WDR7: variants seen among roughly 807,000 people sequenced by gnomAD.
WDR7 encodes WD repeat domain 7.
In WDR7, 46 loss-of-function variants were observed where a neutral mutation model predicts 169.4. The ratio of observed to expected loss-of-function variants is 0.27; its 90% CI spans 0.21 to 0.35. The LOEUF (loss-of-function observed/expected upper bound fraction) is 0.35, where lower values mean the gene tolerates loss of function less well. Among genes scored for constraint, WDR7 ranks in the 10% least tolerant of loss-of-function variants. The probability of loss-of-function intolerance (pLI) is 1.00; values close to 1 mark genes in which losing one functional copy is unlikely to be tolerated. For synonymous variants in WDR7, 612 were observed against 666.8 expected, an observed-to-expected ratio of 0.92 and a Z score of 1.27; for missense variants, 1,534 against 1,859.3, an observed-to-expected ratio of 0.83 and a Z score of 3.22.
At chr18:56,758,633 T>G (rs941644907) in intron 15 of WDR7, among the ~76,000 whole-genome samples, 1 of 151,990 alleles carries the variant, frequency 6.6e-6, no homozygotes, top group Non-Finnish European at 1.5e-5. Flanking sequence ...TAAACTAATA[T>G]GAAGCACAAA....
intron 21 of WDR7, among the ~76,000 whole-genome samples, chr18:56,892,376 TTAAAG>T (rs781115255): frequency 6.6e-6 from 1 of 152,126 alleles, no homozygotes; most frequent in Non-Finnish European, 1.5e-5. Context: ...CTGAGCATCT[TTAAAG>T]TATTTTTCTG....
chr18:56,811,715 A>G (rs2044872787), intron 19 of WDR7, among the ~76,000 whole-genome samples: 1 of 152,048 alleles, frequency 6.6e-6, no homozygotes, highest in African/African-American at 2.4e-5. Context: ...CAGTTGTTCT[A>G]GCCCTGTTTT....
intron 3 of WDR7, among the ~76,000 whole-genome samples, chr18:56,680,757 T>G (rs2025336813): frequency 6.6e-6 from 1 of 152,220 alleles, no homozygotes; most frequent in Non-Finnish European, 1.5e-5. Context: ...ATCTGGTATT[T>G]TATTTGCAAA....
intron 13 of WDR7, among the ~76,000 whole-genome samples, chr18:56,729,881 C>G (rs1015973753): frequency 1.3e-5 from 2 of 152,146 alleles, no homozygotes; most frequent in South Asian, 4.1e-4. Context: ...TGCTGAATAT[C>G]TGTACGGTAA....
chr18:56,841,562 A>G lies in WDR7; in HGVS notation c.3304+25418A>G, dbSNP rs547831181. ...CTCTGTCTAAAAAAAAAAAAAAAAGATACAACAATGGGGATGTTTTGTCAT... is the reference window on the plus strand; with the variant it reads ...CTCTGTCTAAAAAAAAAAAAAAAAGGTACAACAATGGGGATGTTTTGTCAT... On this transcript the variant is annotated intron_variant, in intron 20 of 27. Transcript: ENST00000254442. 1.1e-4 allele frequency among the ~76,000 whole-genome samples: 16 copies of G among 151,558 alleles called. No homozygotes were observed. The East Asian group carries it at 2.9e-3, about 28-fold the overall frequency.
chr18:56,672,104 A>G (rs1016186007), intron 1 of WDR7, among the ~76,000 whole-genome samples: 1 of 152,212 alleles, frequency 6.6e-6, no homozygotes, highest in African/African-American at 2.4e-5. Flanking sequence ...AGCCAATGTC[A>G]AAAGGCTGTT....
At chr18:56,730,281 A>G (rs1229095321) in intron 13 of WDR7, among the ~76,000 whole-genome samples, 1 of 152,296 alleles carries the variant, frequency 6.6e-6, no homozygotes, top group East Asian at 1.9e-4. Context: ...CGTGTTATGG[A>G]GAAAATAAAG....
In WDR7 at chr18:57,017,521, G is replaced by C. The variant is rs897394390; in HGVS notation, c.4165-3224G>C. On this transcript the variant is annotated intron_variant, in intron 26 of 27. Transcript: ENST00000254442. Reference sequence around the variant, plus strand: ...TGTGTGTGTGTGTGTGTGTGTGTGTGATGTTCTGATCCAAGATGTAGTCCC... The same window carrying C: ...TGTGTGTGTGTGTGTGTGTGTGTGTCATGTTCTGATCCAAGATGTAGTCCC... 3.6e-5 allele frequency among the ~76,000 whole-genome samples: 5 copies of C among 139,854 alleles called. No individual in the cohort carries two copies. The East Asian group carries it at 1.0e-3, about 28-fold the overall frequency. The allele number at this position is 139,854 out of a possible 152,430, so 91.7% of individuals were successfully genotyped here.
At chr18:56,740,080 T>C (rs1412190699) in intron 14 of WDR7, among the ~76,000 whole-genome samples, 2 of 151,852 alleles carry the variant, frequency 1.3e-5, no homozygotes, top group African/African-American at 4.8e-5. Flanking sequence ...TTTTCGTAGG[T>C]TTCATGTTCT....
intron 22 of WDR7, 55 bp from the exon 23 acceptor site, chr18:56,935,733 G>A: frequency 6.6e-7 from 1 of 1,523,190 alleles, no homozygotes; most frequent in East Asian, 2.3e-5. Flanking sequence ...AATCTTTTCA[G>A]TCCATATTTC....
chr18:56,715,955 A>G (rs529171245), intron 12 of WDR7, among the ~76,000 whole-genome samples: 1 of 152,194 alleles, frequency 6.6e-6, no homozygotes, highest in Admixed American at 6.5e-5. Flanking sequence ...AGTACTGATG[A>G]TAAGCTGTAG....
At chr18:56,999,664 G>A (rs1479359359) in intron 26 of WDR7, among the ~76,000 whole-genome samples, 1 of 152,110 alleles carries the variant, frequency 6.6e-6, no homozygotes, top group Non-Finnish European at 1.5e-5. Flanking sequence ...ATATATTATA[G>A]TAGAGAAAAC....
At chr18:56,861,521 C>T (rs958130646) in intron 20 of WDR7, among the ~76,000 whole-genome samples, 1 of 152,186 alleles carries the variant, frequency 6.6e-6, no homozygotes, top group African/African-American at 2.4e-5. Flanking sequence ...ACCAGGTTAA[C>T]TCTCTCTGGA....
chr18:56,948,460 TA>T (rs1298560372), intron 25 of WDR7, among the ~76,000 whole-genome samples: 1 of 152,036 alleles, frequency 6.6e-6, no homozygotes, highest in African/African-American at 2.4e-5. Context: ...ATTTTTAGTT[TA>T]AAAAAATATA....
intron 26 of WDR7, among the ~76,000 whole-genome samples, chr18:56,966,058 A>C (rs1224599793): frequency 2.0e-5 from 3 of 152,166 alleles, no homozygotes; most frequent in Non-Finnish European, 4.4e-5. Context: ...AACATGGTAA[A>C]GCAGACTTTA....
chr18:56,702,224 C>A (rs2025849487), intron 12 of WDR7, among the ~76,000 whole-genome samples: 1 of 152,146 alleles, frequency 6.6e-6, no homozygotes, highest in Non-Finnish European at 1.5e-5. Flanking sequence ...TCGTCCCTTC[C>A]ACCTCCCTCC....
At chr18:56,834,829 T>G (rs1327898896) in intron 20 of WDR7, among the ~76,000 whole-genome samples, 23 of 152,220 alleles carry the variant, frequency 1.5e-4, no homozygotes, top group Non-Finnish European at 1.2e-4. Context: ...CAGGGCTTGA[T>G]ATTTGTTCTT....
chr18:56,794,302 C>CTTTTTTTTTTTTTTTTTTT (rs1217568621), intron 19 of WDR7, among the ~76,000 whole-genome samples: 1 of 29,464 alleles, frequency 3.4e-5, no homozygotes, highest in African/African-American at 7.8e-5. Context: ...AAGGTAAAGT[C>CTTTTTTTTTTTTTTTTTTT]TATTTTTTTT....
intron 19 of WDR7, among the ~76,000 whole-genome samples, chr18:56,807,535 C>T (rs983767684): frequency 9.9e-5 from 15 of 152,014 alleles, no homozygotes; most frequent in Admixed American, 8.5e-4. Context: ...AATAATAAAG[C>T]TTTATGCTAT....
Sources: gnomAD v4.1 joint callset for allele counts (sites outside exome capture counted in the v4.1 genomes callset) on GRCh38, gnomAD v4.1.1 for gene constraint, MANE v1.5 for transcripts, NCBI Gene and HGNC (gene_info 2026-07-23, HGNC 2026-07-21) for gene names.